Variants in TMEM43 observed in about 807,000 individuals in gnomAD.
TMEM43 encodes arrhythmogenic right ventricular dysplasia 5.
TMEM43 carries 45 observed loss-of-function variants against 49.6 expected under a neutral mutation model. The observed-to-expected ratio is 0.91, with a 90% CI of 0.71 to 1.16. The LOEUF (loss-of-function observed/expected upper bound fraction) is 1.16. Among genes scored for constraint, TMEM43 ranks in the 50% most tolerant of loss-of-function variants. TMEM43 has a pLI of 0.00. For missense variants in TMEM43, 532 were observed against 516.6 expected (o/e 1.03, Z -0.29); for synonymous variants, 199 against 207.8 (o/e 0.96, Z 0.36).
At chr3:14,135,343 GGCACACTCTC>G in intron 9 of TMEM43, 111 bp downstream of exon 9, 3 of 908,930 alleles carry the variant, frequency 3.3e-6, no homozygotes. Context: ...CCTGGGGAAA[GGCACACTCTC>G]GCACACACTC....
chr3:14,132,958 G>C (rs748128413), intron 6 of TMEM43, 23 bp downstream of exon 6: 3 of 1,600,408 alleles, frequency 1.9e-6, no homozygotes, highest in East Asian at 4.5e-5. Context: ...CCCAAGGCCT[G>C]AGTGCAGCTT....
chr3:14,141,914 TCTC>T lies in TMEM43; in HGVS notation c.*123_*125del. On this transcript the variant is annotated 3_prime_UTR_variant, in exon 12 of 12. Transcript: ENST00000306077. ...GGTCAATTTTGGACTCTGCACTCCC[TCTC>T]CTCTTCAGGGGCCAGACTTGGCAGC... 4.2e-6 allele frequency: 4 copies of T among 957,028 alleles called. No individual in the cohort carries two copies. Among genetic ancestry groups the T allele is most frequent in the Non-Finnish European group, 1.5e-6 (1 of 647,598 alleles). 59.3% of individuals were successfully genotyped at this position (957,028 alleles called of 1,614,324 possible). A position where few individuals can be genotyped will look rare whatever the true frequency, so the allele number is the denominator to read the frequency against.
chr3:14,131,515 CA>C lies in TMEM43; in HGVS notation c.298-64del, dbSNP rs1250973667. On this transcript the variant is annotated intron_variant, in intron 3 of 11. Coordinates refer to ENST00000306077, the MANE Select transcript of TMEM43 (RefSeq NM_024334.3). The stretch of plus-strand genomic sequence containing the variant: ...TCTTCCAGTCCAGCTTCCCCTGAGC[CA>C]GGCTTTCTGGGCTGACGTGAATGTT... The C allele has an allele frequency of 8.6e-6, 12 of 1,400,984 alleles. No homozygotes were observed. The Admixed American group carries it at 1.3e-4, about 15-fold the overall frequency. The allele number at this position is 1,400,984 out of a possible 1,614,324, so 86.8% of individuals were successfully genotyped here.
intron 1 of TMEM43, chr3:14,129,187 G>T: frequency 2.2e-6 from 1 of 449,574 alleles, no homozygotes; most frequent in Non-Finnish European, 4.0e-6. Context: ...GAAACTTTTT[G>T]GGGTGATGGA....
At position 14,142,710 on chromosome 3, in the gene TMEM43, G is replaced by C. The variant is rs1175232827; in HGVS notation, c.*915G>C. The C allele has an allele frequency of 6.6e-6, 1 of 152,658 alleles. No individual in the cohort carries two copies. The highest frequency in any genetic ancestry group is 1.5e-5 in the Non-Finnish European group (1 of 68,042). The allele number at this position is 152,658 out of a possible 1,614,324, so 9.5% of individuals were successfully genotyped here. On this transcript the variant is annotated 3_prime_UTR_variant, in exon 12 of 12. Transcript: ENST00000306077. ...TCTCAGTATTTTGTGTCACTGAGAA[G>C]CTTTACAATGGATGCTTTTGAAACA... is the stretch of plus-strand genomic sequence containing the variant.
At position 14,136,733 on chromosome 3, in the gene TMEM43, C is replaced by T. The variant is rs372841123; in HGVS notation, c.882+825C>T. On this transcript the variant is annotated intron_variant, in intron 10 of 11. Transcript: ENST00000306077. ...GGGGGGCTCCACCAAAGTCTGTGTC[C>T]TTCCAGAACATTAGGAGGGCGGGGA... Among the ~76,000 whole-genome samples the T allele has an allele frequency of 5.1e-5, 7 of 136,406 alleles. No homozygotes were observed. In the East Asian group the frequency reaches 9.5e-4, roughly 19 times the overall value. The allele number at this position is 136,406 out of a possible 152,430, so 89.5% of individuals were successfully genotyped here.
At chr3:14,130,154 G>T (rs1196280505) in intron 2 of TMEM43, among the ~76,000 whole-genome samples, 1 of 150,336 alleles carries the variant, frequency 6.7e-6, no homozygotes, top group African/African-American at 2.5e-5. Flanking sequence ...GCCTCATGAT[G>T]CAACAGTATA....
At position 14,130,827 on chromosome 3, in the gene TMEM43, C is replaced by T. The variant is rs768752495; in HGVS notation, c.168C>T (p.Arg56=). 1.9e-6 allele frequency: 3 copies of T among 1,613,758 alleles called. No individual in the cohort carries two copies. Among genetic ancestry groups the T allele is most frequent in the Non-Finnish European group, 2.5e-6 (3 of 1,179,856 alleles). ...SFYLIFTNEG[R]ALKTATSLAE... is the part of the protein sequence containing the mutation. ...CCACTCCCCTTTGCTCCCAGGGCCG[C>T]GCATTGAAGACGGCAACCTCATTGG... Residue 56 remains arginine (R), a synonymous_variant, in exon 3 of 12, where the codon CGC becomes CGT. Transcript: ENST00000306077.
rs763829810 is a variant in TMEM43, at chr3:14,125,191, A to G, written c.-3A>G. ...AGGCGGCGGCAGCGAGCCGGGTCCC[A>G]CCATGGCCGCGAATGTGAGTATCCC... On this transcript the variant is annotated 5_prime_UTR_variant, in exon 1 of 12. Coordinates refer to ENST00000306077, the MANE Select transcript of TMEM43 (RefSeq NM_024334.3). 5.6e-6 allele frequency: 9 copies of G among 1,610,296 alleles called. No homozygotes were observed. In the African/African-American group the frequency reaches 1.2e-4, roughly 21 times the overall value.
intron 2 of TMEM43, among the ~76,000 whole-genome samples, chr3:14,130,096 C>G (rs1480735784): frequency 1.7e-4 from 21 of 125,284 alleles, no homozygotes; most frequent in Non-Finnish European, 2.4e-4. Flanking sequence ...TTGTTTGTTT[C>G]TTTCTTTCTC....
At chr3:14,130,728 C>G in intron 2 of TMEM43, 94 bp from the exon 3 acceptor site, 1 of 1,492,334 alleles carries the variant, frequency 6.7e-7, no homozygotes, top group Non-Finnish European at 9.0e-7. Flanking sequence ...TCAGCGCTCC[C>G]GGAGGCCCCA....
chr3:14,140,234 A>G (rs965094447), intron 11 of TMEM43, among the ~76,000 whole-genome samples: 1 of 152,212 alleles, frequency 6.6e-6, no homozygotes, highest in African/African-American at 2.4e-5. Context: ...TGGTGGGCAC[A>G]TTAGCGAGAG....
intron 2 of TMEM43, among the ~76,000 whole-genome samples, chr3:14,130,033 C>A (rs1695072148): frequency 6.7e-6 from 1 of 149,394 alleles, no homozygotes; most frequent in Non-Finnish European, 1.5e-5. Flanking sequence ...CCCTCCCTTC[C>A]TTTGTTCCTT....
At chr3:14,131,790 C>T (rs1200713589) in intron 4 of TMEM43, 116 bp downstream of exon 4, 4 of 799,294 alleles carry the variant, frequency 5.0e-6, no homozygotes, top group East Asian at 2.7e-5. Flanking sequence ...ATAACATCTT[C>T]CTATCAGAAA....
rs543764313 is a variant in TMEM43 at position 14,137,123 on chromosome 3, C to A, written c.882+1215C>A. Reference sequence around the variant, plus strand: ...TTAGATCCTCAGCAGCCATCTGTCCCATTAGCCTCCAGCTTGTGGTGGTGC... The same window carrying A: ...TTAGATCCTCAGCAGCCATCTGTCCAATTAGCCTCCAGCTTGTGGTGGTGC... On this transcript the variant is annotated intron_variant, in intron 10 of 11. Coordinates refer to ENST00000306077, the MANE Select transcript of TMEM43 (RefSeq NM_024334.3). 1.5e-3 allele frequency: 219 copies of A among 149,628 alleles called. 6 individuals are homozygous for A. The highest frequency in any genetic ancestry group is 2.4e-3 in the Non-Finnish European group (162 of 68,100). 9.3% of individuals were successfully genotyped at this position (149,628 alleles called of 1,614,324 possible). A position where few individuals can be genotyped will look rare whatever the true frequency, so the allele number is the denominator to read the frequency against.
intron 5 of TMEM43, 117 bp downstream of exon 5, chr3:14,132,712 C>G: frequency 7.1e-7 from 1 of 1,416,700 alleles, no homozygotes; most frequent in Admixed American, 1.7e-5. Context: ...ATCAGGATCC[C>G]TGGGTGCAAG....
chr3:14,132,451 G>C (rs1695109239), intron 4 of TMEM43, 95 bp from the exon 5 acceptor site: 2 of 1,322,816 alleles, frequency 1.5e-6, no homozygotes, highest in African/African-American at 2.9e-5. Context: ...AGTCTGATCT[G>C]GTAGCCCTGA....
chr3:14,126,374 T>C (rs1695021701), intron 1 of TMEM43, among the ~76,000 whole-genome samples: 1 of 152,148 alleles, frequency 6.6e-6, no homozygotes, highest in Non-Finnish European at 1.5e-5. Flanking sequence ...ACCACCACCA[T>C]ATTTTACAGA....
intron 6 of TMEM43, 152 bp downstream of exon 6, chr3:14,133,087 C>A: frequency 1.4e-6 from 1 of 708,660 alleles, no homozygotes; most frequent in Non-Finnish European, 2.5e-6. Flanking sequence ...CTGTGCTGGG[C>A]ACCAGGAACA....
Sources: allele counts gnomAD v4.1 joint callset (sites outside exome capture counted in the v4.1 genomes callset), GRCh38; gene constraint gnomAD v4.1.1; transcripts MANE v1.5; gene names NCBI Gene and HGNC (gene_info 2026-07-23, HGNC 2026-07-21).